The following GAB2 variants were observed in gnomAD, a reference collection of about 807,000 sequenced individuals.
The protein encoded by GAB2 is GRB2-associated-binding protein 2.
A neutral mutation model predicts 65.5 loss-of-function variants in GAB2; 26 were observed. The observed-to-expected ratio is 0.40, with a 90% CI of 0.29 to 0.55. The LOEUF (loss-of-function observed/expected upper bound fraction) is 0.55, where lower values mean the gene tolerates loss of function less well. GAB2 is among the 20% of genes least tolerant of loss of function. The pLI is 0.53. For missense variants in GAB2, 884 were observed against 875.8 expected (o/e 1.01, Z -0.12); for synonymous variants, 321 against 329.6 (o/e 0.97, Z 0.28).
intron 1 of GAB2, among the ~76,000 whole-genome samples, chr11:78,371,821 T>C (rs946896850): frequency 1.3e-5 from 2 of 151,908 alleles, no homozygotes; most frequent in Non-Finnish European, 2.9e-5. Context: ...GCCAGAAAGG[T>C]AGAAAAAAAA....
At chr11:78,333,002 C>T (rs1401016803) in intron 1 of GAB2, among the ~76,000 whole-genome samples, 1 of 152,110 alleles carries the variant, frequency 6.6e-6, no homozygotes, top group Non-Finnish European at 1.5e-5. Flanking sequence ...TCAAGAATCT[C>T]TTATAATTTA....
Position 78,321,951 on chromosome 11 carries a change from A to G in GAB2, c.76-41050T>C, listed in dbSNP as rs137879290. Among the ~76,000 whole-genome samples, 284 of 152,268 alleles carry G rather than the reference A, an allele frequency of 1.9e-3. 2 individuals carry two copies. The highest frequency in any genetic ancestry group is 0.014 in the South Asian group (66 of 4,828). On this transcript the variant is annotated intron_variant, in intron 1 of 9. Transcript: ENST00000361507. The stretch of plus-strand genomic sequence containing the variant: ...TGGCTAAACATATGCAGAAGAATCA[A>G]ACTGGACTCCTACCTATCATGATAC...
intron 3 of GAB2, among the ~76,000 whole-genome samples, chr11:78,236,892 A>G (rs554774250): frequency 6.6e-6 from 1 of 152,324 alleles, no homozygotes; most frequent in South Asian, 2.1e-4. Context: ...ATATTGTCCC[A>G]AACAGACACA....
At chr11:78,336,303 G>A (rs893501942) in intron 1 of GAB2, among the ~76,000 whole-genome samples, 1 of 124,488 alleles carries the variant, frequency 8.0e-6, no homozygotes, top group African/African-American at 3.2e-5. Context: ...CTCCAGCCCG[G>A]GCGACAGAGC....
At chr11:78,238,866 A>G (rs1412201231) in intron 3 of GAB2, among the ~76,000 whole-genome samples, 1 of 152,222 alleles carries the variant, frequency 6.6e-6, no homozygotes, top group African/African-American at 2.4e-5. Context: ...AACATTTGCA[A>G]GTCATGTATC....
At chr11:78,405,167 C>T (rs373494786) in intron 1 of GAB2, among the ~76,000 whole-genome samples, 1 of 142,772 alleles carries the variant, frequency 7.0e-6, no homozygotes, top group African/African-American at 2.6e-5. Context: ...GGCGCAATCT[C>T]GGCTCACTGC....
chr11:78,399,818 T>C (rs1856947000), intron 1 of GAB2, among the ~76,000 whole-genome samples: 1 of 152,214 alleles, frequency 6.6e-6, no homozygotes, highest in Non-Finnish European at 1.5e-5. Flanking sequence ...TTTTCACATG[T>C]TATTCTGATA....
chr11:78,250,205 T>A lies in GAB2; in HGVS notation c.572A>T (p.Glu191Val). 1 of 1,613,330 alleles carries A rather than the reference T, an allele frequency of 6.2e-7. No individual in the cohort carries two copies. The highest frequency in any genetic ancestry group is 1.3e-5 in the African/African-American group (1 of 74,770). ...TATGCACTGGTGCAAGTAGAGATAC[T>A]CCTGAGGTGCGCTGGTGGACAAGGT... ...QPTLSTSAPQ[E>V]YLYLHQCISR... Residue 191 changes from glutamate (E) to valine (V), a missense_variant, in exon 3 of 10, where the codon GAG (glutamate) becomes GTG (valine). Glu to Val is a moderately radical substitution (Grantham distance 121). Transcript: ENST00000361507.
At position 78,378,760 on chromosome 11, in the gene GAB2, G is replaced by A. The variant is rs112425616; in HGVS notation, c.75+38886C>T. 4.8e-3 allele frequency among the ~76,000 whole-genome samples: 735 copies of A among 152,094 alleles called. 6 individuals are homozygous for A. Among genetic ancestry groups the A allele is most frequent in the Middle Eastern group, 0.014 (4 of 294 alleles). Reference sequence around the variant, plus strand: ...CCTGCCTCCATCTCCCAAGTAGTTGGGATTATAACCACGAGCCACTGTGCC... The same window carrying A: ...CCTGCCTCCATCTCCCAAGTAGTTGAGATTATAACCACGAGCCACTGTGCC... On this transcript the variant is annotated intron_variant, in intron 1 of 9. Transcript: ENST00000361507.
At chr11:78,364,601 C>T (rs1856474568) in intron 1 of GAB2, among the ~76,000 whole-genome samples, 1 of 152,186 alleles carries the variant, frequency 6.6e-6, no homozygotes, top group African/African-American at 2.4e-5. Flanking sequence ...TTATTGCTTG[C>T]AGTGGTTATT....
intron 1 of GAB2, among the ~76,000 whole-genome samples, chr11:78,295,854 T>G (rs1438942935): frequency 6.6e-6 from 1 of 152,156 alleles, no homozygotes; most frequent in Non-Finnish European, 1.5e-5. Flanking sequence ...GTGACTCTTG[T>G]TATTTCTGGT....
chr11:78,334,431 C>T (rs925626107), intron 1 of GAB2, among the ~76,000 whole-genome samples: 1 of 152,170 alleles, frequency 6.6e-6, no homozygotes, highest in Non-Finnish European at 1.5e-5. Flanking sequence ...CCTCTGGTAA[C>T]CATCCTTCTA....
intron 3 of GAB2, among the ~76,000 whole-genome samples, chr11:78,248,360 TCTA>T (rs1865353887): frequency 6.6e-6 from 1 of 152,236 alleles, no homozygotes; most frequent in African/African-American, 2.4e-5. Flanking sequence ...TATAAAGCCT[TCTA>T]CTTAGTGTGA....
chr11:78,346,716 TATATAA>T (rs1236346317), intron 1 of GAB2, among the ~76,000 whole-genome samples: 3,905 of 86,410 alleles, frequency 0.045, 272 homozygotes, highest in East Asian at 0.14. Context: ...TATATATATA[TATATAA>T]TTTTTTTTTT....
chr11:78,322,458 G>A (rs1855744607), intron 1 of GAB2, among the ~76,000 whole-genome samples: 1 of 151,752 alleles, frequency 6.6e-6, no homozygotes, highest in African/African-American at 2.4e-5. Flanking sequence ...TGACAAGTGG[G>A]ACCTAATTAA....
chr11:78,331,780 A>G (rs1341724373), intron 1 of GAB2, among the ~76,000 whole-genome samples: 1 of 152,062 alleles, frequency 6.6e-6, no homozygotes. Context: ...ACAATAGACC[A>G]AGGGGATTGG....
intron 3 of GAB2, among the ~76,000 whole-genome samples, chr11:78,247,361 T>G (rs749530761): frequency 1.3e-5 from 2 of 152,214 alleles, no homozygotes; most frequent in Non-Finnish European, 2.9e-5. Flanking sequence ...TCTTTTTCGG[T>G]TTCTACATCC....
chr11:78,335,731 G>A (rs1024554214), intron 1 of GAB2, among the ~76,000 whole-genome samples: 2 of 152,070 alleles, frequency 1.3e-5, no homozygotes, highest in African/African-American at 4.8e-5. Context: ...TGGGTCTTTT[G>A]TGATTCCATA....
At chr11:78,308,658 C>T (rs563023232) in intron 1 of GAB2, among the ~76,000 whole-genome samples, 2 of 152,196 alleles carry the variant, frequency 1.3e-5, no homozygotes, top group African/African-American at 4.8e-5. Context: ...CAAAAATAAA[C>T]AGAACTAACA....
Sources: allele counts gnomAD v4.1 joint callset (sites outside exome capture counted in the v4.1 genomes callset), GRCh38; gene constraint gnomAD v4.1.1; transcripts MANE v1.5; gene names NCBI Gene and HGNC (gene_info 2026-07-23, HGNC 2026-07-21).